Variants in MAGI2 observed in about 807,000 individuals in gnomAD.
The protein encoded by MAGI2 is membrane associated guanylate kinase, WW and PDZ domain containing 2.
In MAGI2, 35 loss-of-function variants were observed where a neutral mutation model predicts 133.3. The observed-to-expected ratio is 0.26, with a 90% CI of 0.20 to 0.35. The LOEUF is 0.35. Ranked by LOEUF, MAGI2 falls within the 10% of genes least tolerant of loss-of-function variation. MAGI2 has a pLI of 1.00. For synonymous variants in MAGI2, 729 were observed against 710.6 expected (o/e 1.03, Z -0.41); for missense variants, 1,636 against 1,863.4 (o/e 0.88, Z 2.25).
intron 2 of MAGI2, among the ~76,000 whole-genome samples, chr7:78,751,204 G>C (rs1387135133): frequency 1.3e-5 from 2 of 152,082 alleles, no homozygotes; most frequent in Admixed American, 6.6e-5. Flanking sequence ...TAATTTCAAG[G>C]CATCATTGTT....
At chr7:79,408,539 A>T (rs886147452) in intron 1 of MAGI2, among the ~76,000 whole-genome samples, 3 of 152,102 alleles carry the variant, frequency 2.0e-5, no homozygotes, top group Non-Finnish European at 2.9e-5. Flanking sequence ...TAAGTGAGGG[A>T]TTAAATAAAT....
At chr7:78,266,279 C>T (rs1231138350) in intron 9 of MAGI2, among the ~76,000 whole-genome samples, 2 of 152,186 alleles carry the variant, frequency 1.3e-5, no homozygotes, top group African/African-American at 4.8e-5. Flanking sequence ...CGGCTCACTG[C>T]AGTCTTGACC....
intron 1 of MAGI2, among the ~76,000 whole-genome samples, chr7:79,141,507 T>G (rs1426226189): frequency 6.6e-6 from 1 of 152,178 alleles, no homozygotes; most frequent in East Asian, 1.9e-4. Flanking sequence ...TATCTCTCAT[T>G]ACTTCTAAAA....
At chr7:79,448,974 T>G (rs1314969642) in intron 1 of MAGI2, among the ~76,000 whole-genome samples, 1 of 152,154 alleles carries the variant, frequency 6.6e-6, no homozygotes, top group Non-Finnish European at 1.5e-5. Flanking sequence ...AACCGTCTCA[T>G]TAACCTTGTT....
At chr7:78,292,876 G>T (rs550729257) in intron 9 of MAGI2, among the ~76,000 whole-genome samples, 10 of 152,340 alleles carry the variant, frequency 6.6e-5, no homozygotes, top group African/African-American at 2.4e-4. Flanking sequence ...AAACTGGCTA[G>T]CCATATGTAG....
At chr7:78,316,579 C>T (rs3847083) in intron 9 of MAGI2, among the ~76,000 whole-genome samples, 58 of 152,218 alleles carry the variant, frequency 3.8e-4, no homozygotes, top group African/African-American at 1.3e-3. Flanking sequence ...TTACAGAATC[C>T]ACCTATTACA....
rs767332496 is a variant in MAGI2, at chr7:79,399,095, C to CTTTTTTTTTTTTTTTTTTTTTTTTTTTTT, written c.301+53924_301+53925insAAAAAAAAAAAAAAAAAAAAAAAAAAAAA. On this transcript the variant is annotated intron_variant, in intron 1 of 21. Coordinates refer to ENST00000354212, the MANE Select transcript of MAGI2 (RefSeq NM_012301.4). Reference sequence around the variant, plus strand: ...GTATTATTTCTTTTTTTTTTCTTTTCTTTTTTTTTTTTTTTGGGAGATGGA... The same window carrying CTTTTTTTTTTTTTTTTTTTTTTTTTTTTT: ...GTATTATTTCTTTTTTTTTTCTTTTCTTTTTTTTTTTTTTTTTTTTTTTTTTTTTTTTTTTTTTTTTTTTGGGAGATGGA... 2.4e-3 allele frequency among the ~76,000 whole-genome samples: 252 copies of CTTTTTTTTTTTTTTTTTTTTTTTTTTTTT among 106,186 alleles called. 19 individuals are homozygous for CTTTTTTTTTTTTTTTTTTTTTTTTTTTTT. Among genetic ancestry groups the CTTTTTTTTTTTTTTTTTTTTTTTTTTTTT allele is most frequent in the Middle Eastern group, 4.8e-3 (1 of 208 alleles). 69.7% of individuals were successfully genotyped at this position (106,186 alleles called of 152,430 possible).
At chr7:79,279,646 G>A (rs929132611) in intron 1 of MAGI2, among the ~76,000 whole-genome samples, 28 of 152,124 alleles carry the variant, frequency 1.8e-4, no homozygotes, top group African/African-American at 6.5e-4. Context: ...TCCAGCCTCG[G>A]CAACAGAGCA....
chr7:79,328,385 T>C (rs1204097997), intron 1 of MAGI2, among the ~76,000 whole-genome samples: 1 of 152,160 alleles, frequency 6.6e-6, no homozygotes, highest in Non-Finnish European at 1.5e-5. Context: ...GAACCATCTT[T>C]GTCACCCTCT....
At chr7:79,196,947 T>G (rs78354213) in intron 1 of MAGI2, among the ~76,000 whole-genome samples, 18 of 148,976 alleles carry the variant, frequency 1.2e-4, no homozygotes, top group African/African-American at 4.3e-4. Context: ...TTTGATTTTT[T>G]ATATATATAG....
intron 2 of MAGI2, among the ~76,000 whole-genome samples, chr7:78,975,137 A>C (rs991237204): frequency 6.6e-6 from 1 of 151,786 alleles, no homozygotes; most frequent in Non-Finnish European, 1.5e-5. Context: ...GCAGGACATC[A>C]GTAAGGATAT....
At chr7:78,788,355 A>G (rs1827002348) in intron 2 of MAGI2, among the ~76,000 whole-genome samples, 1 of 152,166 alleles carries the variant, frequency 6.6e-6, no homozygotes, top group African/African-American at 2.4e-5. Flanking sequence ...ATCTTTTATG[A>G]GAACAATCAA....
chr7:78,677,779 C>T (rs1015413323), intron 2 of MAGI2, among the ~76,000 whole-genome samples: 9 of 152,048 alleles, frequency 5.9e-5, no homozygotes, highest in Non-Finnish European at 1.3e-4. Flanking sequence ...AACAACATGG[C>T]GTCCAGTGAT....
chr7:79,036,296 G>C (rs933608337), intron 1 of MAGI2, among the ~76,000 whole-genome samples: 1 of 152,118 alleles, frequency 6.6e-6, no homozygotes, highest in Non-Finnish European at 1.5e-5. Flanking sequence ...TAGGATAATT[G>C]ACTTGAGGAT....
intron 9 of MAGI2, among the ~76,000 whole-genome samples, chr7:78,309,990 G>T (rs1584819224): frequency 6.6e-6 from 1 of 152,074 alleles, no homozygotes; most frequent in East Asian, 1.9e-4. Context: ...TGGCCCTTTT[G>T]TATGATACCT....
chr7:78,938,059 TAA>T (rs1332249066), intron 2 of MAGI2, among the ~76,000 whole-genome samples: 3 of 152,108 alleles, frequency 2.0e-5, no homozygotes, highest in Non-Finnish European at 1.5e-5. Context: ...TGGCAAAATA[TAA>T]GTGACTGTTA....
At chr7:78,120,987 C>T (rs1449451926) in intron 20 of MAGI2, among the ~76,000 whole-genome samples, 2 of 98,912 alleles carry the variant, frequency 2.0e-5, no homozygotes, top group East Asian at 2.6e-4. Context: ...GGCGACAGAG[C>T]GAGACTCCGT....
At chr7:78,473,853 G>T (rs1791474406) in intron 6 of MAGI2, among the ~76,000 whole-genome samples, 1 of 152,022 alleles carries the variant, frequency 6.6e-6, no homozygotes. Flanking sequence ...AAGCCCAAAA[G>T]TGGGAGGGAA....
intron 6 of MAGI2, among the ~76,000 whole-genome samples, chr7:78,432,396 C>T (rs181040025): frequency 7.9e-5 from 12 of 152,108 alleles, no homozygotes; most frequent in South Asian, 4.1e-4. Context: ...TGCTTAGACA[C>T]GTAGTAAACA....
Sources: gnomAD v4.1 joint callset for allele counts (sites outside exome capture counted in the v4.1 genomes callset) on GRCh38, gnomAD v4.1.1 for gene constraint, MANE v1.5 for transcripts, NCBI Gene and HGNC (gene_info 2026-07-23, HGNC 2026-07-21) for gene names.